RBFOX1: variants seen among roughly 807,000 people sequenced by gnomAD.
RBFOX1 encodes RNA binding protein fox-1 homolog 1.
Under a neutral mutation model 57.7 loss-of-function variants are expected in RBFOX1, and 8 were observed. The observed-to-expected ratio is 0.14, with a 90% confidence interval of 0.08 to 0.25. The LOEUF (loss-of-function observed/expected upper bound fraction) is 0.25, where lower values mean the gene tolerates loss of function less well. RBFOX1 is among the 10% of genes least tolerant of loss of function. RBFOX1 has a pLI of 1.00. For synonymous variants in RBFOX1, 326 were observed against 222.4 expected (o/e 1.47, Z -4.15); for missense variants, 611 against 548.5 (o/e 1.11, Z -1.14).
chr16:6,527,716 C>A (rs1334815166), intron 2 of RBFOX1, among the ~76,000 whole-genome samples: 2 of 152,180 alleles, frequency 1.3e-5, no homozygotes, highest in South Asian at 4.2e-4. Context: ...TGAGTCAGAG[C>A]CTGAAATCGT....
chr16:7,522,286 C>G (rs960698719), intron 5 of RBFOX1, among the ~76,000 whole-genome samples: 1 of 152,094 alleles, frequency 6.6e-6, no homozygotes, highest in African/African-American at 2.4e-5. Flanking sequence ...AAGAGAAAGA[C>G]AAGGACAGAA....
intron 3 of RBFOX1, among the ~76,000 whole-genome samples, chr16:6,779,845 ATATATTTATATATATT>A (rs2080160272): frequency 2.5e-5 from 1 of 40,582 alleles, no homozygotes; most frequent in Non-Finnish European, 3.8e-5. Context: ...ATATTTATAT[ATATATTTATATATATT>A]TATATATTTA....
rs567083798 is a variant in RBFOX1 at position 5,797,692 on chromosome 16, G to C, written c.319-69611G>C. On this transcript the variant is annotated intron_variant, in intron 3 of 19. Transcript: ENST00000641259. ...TGTTAGCTAATCAAAGCCAGATTGTGGTCAGAGGCCATATCTAAATTTATT... is the reference window on the plus strand; with the variant it reads ...TGTTAGCTAATCAAAGCCAGATTGTCGTCAGAGGCCATATCTAAATTTATT... 8.3e-4 allele frequency among the ~76,000 whole-genome samples: 127 copies of C among 152,272 alleles called. 1 individual carries two copies. The highest frequency in any genetic ancestry group is 2.9e-3 in the African/African-American group (120 of 41,544).
intron 13 of RBFOX1, chr16:7,671,748 C>G: frequency 1.4e-6 from 1 of 727,882 alleles, no homozygotes; most frequent in East Asian, 2.7e-5. Context: ...AATATGAAAT[C>G]TCCTAGAATA....
intron 3 of RBFOX1, among the ~76,000 whole-genome samples, chr16:7,022,389 G>A (rs892923875): frequency 2.0e-5 from 3 of 151,736 alleles, no homozygotes; most frequent in Non-Finnish European, 4.4e-5. Flanking sequence ...GGTAGAGCTG[G>A]GATTCGAAGT....
At chr16:5,386,825 C>A (rs562932359) in intron 1 of RBFOX1, among the ~76,000 whole-genome samples, 4 of 152,112 alleles carry the variant, frequency 2.6e-5, no homozygotes, top group East Asian at 3.9e-4. Flanking sequence ...CCAAGGTGGG[C>A]GGATCACCTG....
intron 2 of RBFOX1, among the ~76,000 whole-genome samples, chr16:5,530,628 T>C (rs2044429181): frequency 6.6e-6 from 1 of 152,172 alleles, no homozygotes; most frequent in African/African-American, 2.4e-5. Context: ...GTGGAATGTT[T>C]AGCAGCAACC....
At chr16:6,819,931 G>C (rs767778434) in intron 3 of RBFOX1, among the ~76,000 whole-genome samples, 4 of 152,112 alleles carry the variant, frequency 2.6e-5, no homozygotes, top group Non-Finnish European at 5.9e-5. Context: ...TGTTCCTGCA[G>C]AGGTGATGTC....
chr16:7,016,092 T>C (rs1314928633), intron 3 of RBFOX1, among the ~76,000 whole-genome samples: 2 of 152,186 alleles, frequency 1.3e-5, no homozygotes, highest in Admixed American at 1.3e-4. Flanking sequence ...GCCAATGAAT[T>C]GTAGGCTTAG....
At chr16:6,599,985 T>C (rs76728657) in intron 2 of RBFOX1, among the ~76,000 whole-genome samples, 4,308 of 152,216 alleles carry the variant, frequency 0.028, 214 homozygotes, top group African/African-American at 0.098. Context: ...TGCAACATGT[T>C]GTCCTATTGC....
intron 3 of RBFOX1, chr16:5,611,467 C>T (rs896316078): frequency 2.6e-5 from 4 of 152,246 alleles, no homozygotes; most frequent in Admixed American, 2.0e-4. Context: ...GCCTCCCTAC[C>T]AGCGTTGTTG....
chr16:6,437,285 A>G (rs563426774), intron 2 of RBFOX1, among the ~76,000 whole-genome samples: 1 of 152,208 alleles, frequency 6.6e-6, no homozygotes, highest in African/African-American at 2.4e-5. Context: ...ATTTAATTCC[A>G]TTAATTTAAG....
chr16:5,606,714 G>A (rs772584896), intron 3 of RBFOX1, among the ~76,000 whole-genome samples: 5 of 152,264 alleles, frequency 3.3e-5, no homozygotes, highest in Middle Eastern at 3.4e-3. Context: ...AAAGTTGAGT[G>A]GTAGTGCAAA....
chr16:6,517,989 C>G (rs2096414209), intron 2 of RBFOX1, among the ~76,000 whole-genome samples: 2 of 152,166 alleles, frequency 1.3e-5, no homozygotes, highest in African/African-American at 4.8e-5. Context: ...ATGAGACCCA[C>G]TGAGTTAAAT....
chr16:6,594,942 C>T (rs1008414813), intron 2 of RBFOX1, among the ~76,000 whole-genome samples: 1 of 152,114 alleles, frequency 6.6e-6, no homozygotes, highest in African/African-American at 2.4e-5. Flanking sequence ...GTGCGTGCCA[C>T]CACACCGGGC....
chr16:6,317,178 A>G (rs1418447126), intron 2 of RBFOX1, 121 bp downstream of exon 2: 5 of 920,772 alleles, frequency 5.4e-6, no homozygotes, highest in East Asian at 2.7e-5. Context: ...CTGCCTGCCT[A>G]TGTCTTTCTC....
intron 4 of RBFOX1, among the ~76,000 whole-genome samples, chr16:5,998,806 C>G (rs2060535720): frequency 6.6e-6 from 1 of 152,202 alleles, no homozygotes; most frequent in African/African-American, 2.4e-5. Context: ...GCACCCACAT[C>G]AGATGTTACT....
At chr16:6,078,410 A>T (rs908194878) in intron 1 of RBFOX1, among the ~76,000 whole-genome samples, 1 of 144,032 alleles carries the variant, frequency 6.9e-6, no homozygotes, top group Admixed American at 6.9e-5. Context: ...TTTTTGGGGG[A>T]TTTTTTTTTT....
intron 3 of RBFOX1, among the ~76,000 whole-genome samples, chr16:6,923,465 G>A (rs1412155175): frequency 6.6e-6 from 1 of 152,154 alleles, no homozygotes; most frequent in Non-Finnish European, 1.5e-5. Flanking sequence ...ACCGGGAGGT[G>A]GAGGAGGCAG....
Sources: gnomAD v4.1 joint callset for allele counts (sites outside exome capture counted in the v4.1 genomes callset) on GRCh38, gnomAD v4.1.1 for gene constraint, MANE v1.5 for transcripts, NCBI Gene and HGNC (gene_info 2026-07-23, HGNC 2026-07-21) for gene names.